The following GREB1 variants were observed in gnomAD, a reference collection of about 807,000 sequenced individuals.
GREB1 encodes the protein growth regulating estrogen receptor binding 1.
A neutral mutation model predicts 200.7 loss-of-function variants in GREB1; 106 were observed. The ratio of observed to expected loss-of-function variants is 0.53; its 90% CI spans 0.45 to 0.62. GREB1 has a LOEUF of 0.62. GREB1 is among the 20% of genes least tolerant of loss of function. The probability of loss-of-function intolerance (pLI) is 0.00; values close to 1 mark genes in which losing one functional copy is unlikely to be tolerated. For missense variants in GREB1, 2,243 were observed against 2,556.8 expected (o/e 0.88, Z 2.65); for synonymous variants, 1,132 against 1,092.4 (o/e 1.04, Z -0.72).
chr2:11,544,285 C>A (rs545589902), intron 1 of GREB1, among the ~76,000 whole-genome samples: 2 of 151,940 alleles, frequency 1.3e-5, no homozygotes, highest in African/African-American at 2.4e-5. Flanking sequence ...GGTGTGATCT[C>A]GGGTCACTGC....
chr2:11,624,967 C>T lies in GREB1; in HGVS notation c.4148-187C>T, dbSNP rs1684320397. On this transcript the variant is annotated intron_variant, in intron 23 of 32. Coordinates refer to ENST00000381486, the MANE Select transcript of GREB1 (RefSeq NM_014668.4). ...AGCCCAAGACCAGTAGGCTACACCA[C>T]ACATCCTAGTGTGTAGCAGGCTGTG... Among the ~76,000 whole-genome samples, 3 of 152,218 alleles carry T rather than the reference C, an allele frequency of 2.0e-5. No homozygotes were observed. The South Asian group carries it at 6.2e-4, about 32-fold the overall frequency.
intron 3 of GREB1, among the ~76,000 whole-genome samples, chr2:11,565,288 T>G (rs1239492332): frequency 6.6e-6 from 1 of 152,232 alleles, no homozygotes; most frequent in Non-Finnish European, 1.5e-5. Flanking sequence ...GTGCCTGGTG[T>G]GTGGTGGTGC....
At chr2:11,540,535 A>G (rs575892494) in intron 1 of GREB1, 1 of 154,342 alleles carries the variant, frequency 6.5e-6, no homozygotes, top group South Asian at 2.0e-4. Flanking sequence ...ACTTAAAGAT[A>G]TTCTCCAAAG....
At chr2:11,574,326 G>T (rs1267983578) in intron 4 of GREB1, among the ~76,000 whole-genome samples, 1 of 152,204 alleles carries the variant, frequency 6.6e-6, no homozygotes, top group Non-Finnish European at 1.5e-5. Context: ...CAATCACTGG[G>T]ATGTTCAGAG....
chr2:11,575,890 G>A (rs1428347808), intron 4 of GREB1, among the ~76,000 whole-genome samples: 5 of 152,232 alleles, frequency 3.3e-5, no homozygotes, highest in African/African-American at 4.8e-5. Context: ...CTACATAGGT[G>A]TTTAAGTGGG....
At chr2:11,504,289 A>T (rs1673122000) in intron 1 of GREB1, among the ~76,000 whole-genome samples, 1 of 152,192 alleles carries the variant, frequency 6.6e-6, no homozygotes, top group African/African-American at 2.4e-5. Flanking sequence ...TGCAATTTAA[A>T]ATGTATGACT....
chr2:11,570,185 G>T (rs2147988702), intron 4 of GREB1, among the ~76,000 whole-genome samples: 1 of 152,072 alleles, frequency 6.6e-6, no homozygotes, highest in Admixed American at 6.5e-5. Context: ...GCGGGGAGTG[G>T]ATCACCTGAG....
At chr2:11,549,245 T>C (rs898967332) in intron 1 of GREB1, among the ~76,000 whole-genome samples, 2 of 152,182 alleles carry the variant, frequency 1.3e-5, no homozygotes, top group African/African-American at 2.4e-5. Context: ...TTGTCTTTTT[T>C]TCCCCCATGA....
At chr2:11,613,236 C>T (rs768383670) in intron 19 of GREB1, among the ~76,000 whole-genome samples, 1 of 152,072 alleles carries the variant, frequency 6.6e-6, no homozygotes, top group South Asian at 2.1e-4. Flanking sequence ...TGCGGACACT[C>T]GAGACTCAGG....
chr2:11,627,223 T>A, intron 25 of GREB1, 119 bp downstream of exon 25: 4 of 856,692 alleles, frequency 4.7e-6, no homozygotes, highest in Non-Finnish European at 5.3e-6. Context: ...CCTGGCTTCC[T>A]GGTCTGCTTG....
Position 11,556,541 on chromosome 2 carries a change from T to TA in GREB1, c.-73dup. ...TCCTCCTTGCAGCTGTTTCACCTTCTACCTTGCGTGGAGCCAGGCTTTTGC... is the reference window on the plus strand; with the variant it reads ...TCCTCCTTGCAGCTGTTTCACCTTCTAACCTTGCGTGGAGCCAGGCTTTTGC... On this transcript the variant is annotated 5_prime_UTR_variant, in exon 2 of 33. The change creates a premature stop within an existing upstream ORF in the 5' untranslated region. Transcript: ENST00000381486. The TA allele has an allele frequency of 2.4e-6, 3 of 1,272,672 alleles. No individual in the cohort carries two copies. The South Asian group carries it at 4.5e-5, about 19-fold the overall frequency. 78.8% of individuals were successfully genotyped at this position (1,272,672 alleles called of 1,614,324 possible).
At chr2:11,546,840 G>T (rs940025732) in intron 1 of GREB1, among the ~76,000 whole-genome samples, 2 of 152,020 alleles carry the variant, frequency 1.3e-5, no homozygotes, top group African/African-American at 4.8e-5. Flanking sequence ...AAATCAGGAA[G>T]TGTCTTGTCA....
intron 17 of GREB1, among the ~76,000 whole-genome samples, chr2:11,606,049 G>A (rs1278639158): frequency 6.6e-6 from 1 of 152,020 alleles, no homozygotes; most frequent in Non-Finnish European, 1.5e-5. Flanking sequence ...AAGCGTAGCT[G>A]TCCCTTGGTA....
intron 21 of GREB1, among the ~76,000 whole-genome samples, chr2:11,617,728 G>T (rs1683547172): frequency 2.0e-5 from 3 of 152,206 alleles, no homozygotes. Flanking sequence ...CTGTTGTTGG[G>T]GCCGGGGGTG....
chr2:11,571,919 G>A (rs1371171834), intron 4 of GREB1, among the ~76,000 whole-genome samples: 4 of 152,146 alleles, frequency 2.6e-5, no homozygotes, highest in African/African-American at 9.7e-5. Flanking sequence ...CACTGTGTTA[G>A]CCAGGATGGT....
chr2:11,515,975 A>G (rs1189544069), intron 1 of GREB1, among the ~76,000 whole-genome samples: 1 of 152,210 alleles, frequency 6.6e-6, no homozygotes, highest in Non-Finnish European at 1.5e-5. Context: ...ACCAGAGAAA[A>G]GCTCATTAGA....
At chr2:11,591,603 A>G in intron 10 of GREB1, 2 of 617,926 alleles carry the variant, frequency 3.2e-6, no homozygotes, top group East Asian at 5.6e-5. Flanking sequence ...TGTCCGATGC[A>G]CCGTTCGCGT....
rs935282119 is a variant in GREB1, at chr2:11,595,182, A to T, written c.1697-69A>T. ...TCAAGTCTAGAAGGGTTAAGGGACT[A>T]GTCTAGGGCTACACAGCCCGTAAGC... On this transcript the variant is annotated intron_variant, in intron 11 of 32. Coordinates refer to ENST00000381486, the MANE Select transcript of GREB1 (RefSeq NM_014668.4). 4 of 1,410,174 alleles carry T rather than the reference A, an allele frequency of 2.8e-6. No individual in the cohort carries two copies. The African/African-American group carries it at 5.7e-5, about 20-fold the overall frequency. The allele number at this position is 1,410,174 out of a possible 1,614,324, so 87.4% of individuals were successfully genotyped here.
chr2:11,564,046 T>C (rs1677368129), intron 3 of GREB1, among the ~76,000 whole-genome samples: 1 of 151,662 alleles, frequency 6.6e-6, no homozygotes, highest in Non-Finnish European at 1.5e-5. Flanking sequence ...TGTGGAGGGG[T>C]TGGAGGAAGC....
Sources: gnomAD v4.1 joint callset for allele counts (sites outside exome capture counted in the v4.1 genomes callset) on GRCh38, gnomAD v4.1.1 for gene constraint, MANE v1.5 for transcripts, NCBI Gene and HGNC (gene_info 2026-07-23, HGNC 2026-07-21) for gene names.